Variants in DNMBP observed in about 807,000 individuals in gnomAD.
DNMBP encodes the protein dynamin binding protein, also known as dynamin-binding protein.
DNMBP carries 87 observed loss-of-function variants against 150.0 expected under a neutral mutation model. The observed-to-expected ratio is 0.58, with a 90% CI of 0.49 to 0.69. The LOEUF is 0.69. DNMBP is among the 30% of genes least tolerant of loss of function. The pLI, the probability that DNMBP is intolerant of heterozygous loss-of-function variation, is 0.00. For synonymous variants in DNMBP, 711 were observed against 750.4 expected, an observed-to-expected ratio of 0.95 and a Z score of 0.86; for missense variants, 1,774 against 1,949.0, an observed-to-expected ratio of 0.91 and a Z score of 1.69.
intron 7 of DNMBP, 24 bp from the exon 8 acceptor site, chr10:99,898,784 G>C (rs373679909): frequency 8.7e-6 from 14 of 1,609,186 alleles, no homozygotes; most frequent in African/African-American, 1.3e-5. Context: ...GGCATGAAAA[G>C]AAAAGAGACA....
intron 4 of DNMBP, among the ~76,000 whole-genome samples, chr10:99,922,540 A>G (rs75788960): frequency 1.4e-5 from 2 of 141,252 alleles, no homozygotes; most frequent in Non-Finnish European, 3.1e-5. Flanking sequence ...AAAAAAAAAA[A>G]AGATCTCACT....
At chr10:99,914,140 C>T (rs2039935731) in intron 4 of DNMBP, 1 of 1,309,498 alleles carries the variant, frequency 7.6e-7, no homozygotes, top group Non-Finnish European at 9.8e-7. Flanking sequence ...CACAGCAGGG[C>T]TTGTCCTAAA....
intron 4 of DNMBP, chr10:99,930,742 T>G (rs1279579495): frequency 1.5e-6 from 1 of 677,250 alleles, no homozygotes; most frequent in Admixed American, 2.3e-5. Context: ...CTTTCTTTTC[T>G]AGCCTTCTGG....
chr10:99,933,588 A>G (rs2040185471), intron 4 of DNMBP, among the ~76,000 whole-genome samples: 1 of 152,226 alleles, frequency 6.6e-6, no homozygotes, highest in African/African-American at 2.4e-5. Context: ...CAAAGCCAGC[A>G]GAGTGGGAGT....
In DNMBP at chr10:99,972,096, A is replaced by G; in HGVS notation, c.29T>C (p.Ile10Thr). 1 of 1,613,764 alleles carries G rather than the reference A, an allele frequency of 6.2e-7. No homozygotes were observed. Among genetic ancestry groups the G allele is most frequent in the South Asian group, 1.1e-5 (1 of 91,008 alleles). Residue 10 changes from isoleucine to threonine, a missense_variant, in exon 2 of 17, where the codon ATT becomes ACT. Ile to Thr is a moderately conservative substitution (Grantham distance 89). Around this residue, in one of 2 missense-constraint regions of DNMBP, gnomAD observed 344 missense variants for 456.6 expected, o/e 0.75. Transcript: ENST00000324109. ...TGATACGCTAGGGCAGAAGTCAAAA[A>G]TGGCTCGAACCACTGAGCCAGCCTC... MEAGSVVRA[I>T]FDFCPSVSEE...
rs576994109 is a variant in DNMBP, at chr10:99,933,896, C to G, written c.2260+21318G>C. ...GGACTACAGGCGCCCGCCACCATGC[C>G]CGGCTAAAGTTTTGTAATTTTAGTA... On this transcript the variant is annotated intron_variant, in intron 4 of 16. Transcript: ENST00000324109. 8.5e-5 allele frequency among the ~76,000 whole-genome samples: 13 copies of G among 152,284 alleles called. No homozygotes were observed. In the South Asian group the frequency reaches 2.7e-3, roughly 32 times the overall value.
intron 4 of DNMBP, among the ~76,000 whole-genome samples, chr10:99,936,267 T>C (rs1309853050): frequency 6.6e-6 from 1 of 152,206 alleles, no homozygotes; most frequent in East Asian, 1.9e-4. Context: ...TTATCCTTTC[T>C]TTACCTCAAC....
In DNMBP at chr10:99,877,314, A is replaced by G; in HGVS notation, c.4571T>C (p.Phe1524Ser). 9 of 1,613,370 alleles carry G rather than the reference A, an allele frequency of 5.6e-6. No homozygotes were observed. Among genetic ancestry groups the G allele is most frequent in the Non-Finnish European group, 7.6e-6 (9 of 1,179,704 alleles). Residue 1524 changes from phenylalanine (F) to serine (S), a missense_variant, in exon 17 of 17, where the codon TTC (phenylalanine) becomes TCC (serine). Phe to Ser is a radical substitution (Grantham distance 155). Coordinates refer to ENST00000324109, the MANE Select transcript of DNMBP (RefSeq NM_015221.4). Reference protein sequence around the residue: ...GNQVYFAVYTFKARNPNELSV... With the variant: ...GNQVYFAVYTSKARNPNELSV... ...CAGCTCATTTGGGTTTCGTGCCTTGAAGGTGTAGACAGCAAAATAGACCTG... is the reference window on the plus strand; with the variant it reads ...CAGCTCATTTGGGTTTCGTGCCTTGGAGGTGTAGACAGCAAAATAGACCTG...
chr10:99,936,239 G>C (rs937583096), intron 4 of DNMBP, among the ~76,000 whole-genome samples: 15 of 151,988 alleles, frequency 9.9e-5, no homozygotes, highest in Admixed American at 9.2e-4. Flanking sequence ...CATTTTTCCA[G>C]AAACATATAC....
Position 99,956,951 on chromosome 10 carries a change from T to C in DNMBP, c.523A>G (p.Ile175Val). 1.2e-6 allele frequency: 2 copies of C among 1,614,144 alleles called. No homozygotes were observed. Among genetic ancestry groups the C allele is most frequent in the Non-Finnish European group, 1.7e-6 (2 of 1,180,026 alleles). ...DFREGDVITI[I>V]GVPEPGWFEG... ...AACCAGCCTGGTTCAGGAACTCCAA[T>C]AATGGTGATCACATCCCCTTCCCTG... The change falls in exon 4 of 17, where the codon ATT (isoleucine) becomes GTT (valine). Residue 175 changes from isoleucine (I) to valine (V), a missense_variant. Coordinates refer to ENST00000324109, the MANE Select transcript of DNMBP (RefSeq NM_015221.4).
rs765817784 is a variant in DNMBP, at chr10:99,898,176, G to A, written c.2830C>T (p.His944Tyr). The A allele has an allele frequency of 1.9e-6, 3 of 1,613,920 alleles. No homozygotes were observed. In the South Asian group the frequency reaches 3.3e-5, roughly 18 times the overall value. Residue 944 changes from histidine to tyrosine, a missense_variant, in exon 9 of 17, where the codon CAC (histidine) becomes TAC (tyrosine). Transcript: ENST00000324109. Reference sequence around the variant, plus strand: ...TTGGTTAAAGGCACTTTATCTGGGTGGGATTCTGGGGTGGAATTCAGCAAC... The same window carrying A: ...TTGGTTAAAGGCACTTTATCTGGGTAGGATTCTGGGGTGGAATTCAGCAAC... ...MELLNSTPESHPDKVPLTNAV... is the reference protein window; with the variant it reads ...MELLNSTPESYPDKVPLTNAV...
In DNMBP at chr10:99,896,402, G is replaced by A; in HGVS notation, c.2921-5C>T. On this transcript the variant is annotated splice_polypyrimidine_tract_variant and splice_region_variant and intron_variant, in intron 9 of 16. Coordinates refer to ENST00000324109, the MANE Select transcript of DNMBP (RefSeq NM_015221.4). ...CACCCTTACGGTACTTGAGGACTAG[G>A]GAGTAAGTCAGAAAAGCACTTTCCT... 6.2e-7 allele frequency: 1 copy of A among 1,614,058 alleles called. No homozygotes were observed. The highest frequency in any genetic ancestry group is 8.5e-7 in the Non-Finnish European group (1 of 1,179,984).
intron 11 of DNMBP, among the ~76,000 whole-genome samples, chr10:99,892,694 C>T (rs1377554538): frequency 2.0e-5 from 3 of 148,390 alleles, no homozygotes; most frequent in Non-Finnish European, 4.5e-5. Context: ...ACCTTCCCTC[C>T]ACTATTGTCC....
At chr10:99,947,578 G>A (rs112634073) in intron 4 of DNMBP, among the ~76,000 whole-genome samples, 10,365 of 151,360 alleles carry the variant, frequency 0.068, 527 homozygotes, top group African/African-American at 0.14. Context: ...AGGGAGGGAG[G>A]GAGGGAGGGA....
At chr10:99,972,664 G>T (rs954360994) in intron 1 of DNMBP, among the ~76,000 whole-genome samples, 1 of 152,240 alleles carries the variant, frequency 6.6e-6, no homozygotes, top group Non-Finnish European at 1.5e-5. Context: ...AGGCTGGAGT[G>T]CAGTGGTGTG....
intron 4 of DNMBP, among the ~76,000 whole-genome samples, chr10:99,918,143 T>C (rs1010529151): frequency 2.6e-5 from 4 of 151,952 alleles, no homozygotes; most frequent in Admixed American, 2.6e-4. Context: ...TCCCCAGCCC[T>C]GCCTGGAGGA....
In DNMBP at chr10:99,956,805, A is replaced by G; in HGVS notation, c.669T>C (p.Asn223=). Residue 223 remains asparagine (N), a synonymous_variant, in exon 4 of 17, where the codon AAT becomes AAC. Transcript: ENST00000324109. ...CTCCTACAGGGGTATCTACTTCACC[A>G]TTAACAATGCAGTCATCTTGATTTC... ...SSGNQDDCIV[N]GEVDTPVGEE... 1 of 1,614,142 alleles carries G rather than the reference A, an allele frequency of 6.2e-7. No homozygotes were observed.
At chr10:99,950,032 C>A (rs1408583525) in intron 4 of DNMBP, among the ~76,000 whole-genome samples, 3 of 152,132 alleles carry the variant, frequency 2.0e-5, no homozygotes, top group Non-Finnish European at 4.4e-5. Flanking sequence ...GTGTCCCCAC[C>A]CAAATCCCAT....
chr10:99,976,612 C>T (rs758517197), intron 1 of DNMBP, among the ~76,000 whole-genome samples: 3 of 152,142 alleles, frequency 2.0e-5, no homozygotes, highest in Non-Finnish European at 1.5e-5. Flanking sequence ...GCTCTAAATG[C>T]GAGGCTAACA....
Sources: allele counts gnomAD v4.1 joint callset (sites outside exome capture counted in the v4.1 genomes callset), GRCh38; gene constraint gnomAD v4.1.1; regional missense constraint gnomAD v4.1.1; transcripts MANE v1.5; gene names NCBI Gene and HGNC (gene_info 2026-07-23, HGNC 2026-07-21).